NCOR2: variants seen among roughly 807,000 people sequenced by gnomAD.
NCOR2 encodes the protein nuclear receptor corepressor 2.
In NCOR2, 81 loss-of-function variants were observed where a neutral mutation model predicts 262.9. The observed-to-expected ratio is 0.31, with a 90% confidence interval of 0.26 to 0.37. The LOEUF is 0.37. Ranked by LOEUF, NCOR2 falls within the 10% of genes least tolerant of loss-of-function variation. The probability of loss-of-function intolerance (pLI) is 1.00; values close to 1 mark genes in which losing one functional copy is unlikely to be tolerated. For synonymous variants in NCOR2, 1,659 were observed against 1,559.3 expected (o/e 1.06, Z -1.51); for missense variants, 3,385 against 3,621.4 (o/e 0.93, Z 1.68).
intron 15 of NCOR2, among the ~76,000 whole-genome samples, chr12:124,398,682 C>T (rs1200222896): frequency 6.6e-6 from 1 of 152,206 alleles, no homozygotes; most frequent in Non-Finnish European, 1.5e-5. Context: ...CGGCAGGATG[C>T]TTAGCAACCC....
chr12:124,520,229 T>C (rs551302167), intron 1 of NCOR2, among the ~76,000 whole-genome samples: 2 of 152,162 alleles, frequency 1.3e-5, no homozygotes, highest in Non-Finnish European at 2.9e-5. Context: ...CCTTCTTTTA[T>C]AGGTAGGGAA....
chr12:124,337,996 C>T (rs953737099), intron 37 of NCOR2, among the ~76,000 whole-genome samples: 6 of 152,210 alleles, frequency 3.9e-5, no homozygotes, highest in African/African-American at 1.2e-4. Context: ...AGCCTGTGTG[C>T]GGAACCCTGC....
In NCOR2 at chr12:124,327,571, C is replaced by T. The variant is rs763334125; in HGVS notation, c.7021G>A (p.Ala2341Thr). The T allele has an allele frequency of 1.5e-5, 24 of 1,613,562 alleles. No homozygotes were observed. The South Asian group carries it at 2.2e-4, about 15-fold the overall frequency. The stretch of plus-strand genomic sequence containing the variant: ...CCCATGAGTGCCTTTCTAATTATGG[C>T]CTCCAGCCCCATGTTGGTGCTGGCA... The change falls in exon 45 of 47, where the codon GCC becomes ACC. Residue 2341 changes from alanine to threonine, a missense_variant. Physicochemically the swap from Ala to Thr is moderately conservative, Grantham distance 58. This residue lies in a region of NCOR2 where 1,017 missense variants were observed against 967.2 expected (regional missense o/e 1.05). Coordinates refer to ENST00000405201, the Ensembl canonical transcript of NCOR2.
In NCOR2 at chr12:124,336,496, G is replaced by A. The variant is rs187935596; in HGVS notation, c.6115+257C>T. The A allele has an allele frequency of 1.1e-3, 927 of 845,344 alleles. 8 individuals are homozygous for A. In the African/African-American group the frequency reaches 0.014, roughly 13 times the overall value. 52.4% of individuals were successfully genotyped at this position (845,344 alleles called of 1,614,324 possible). On this transcript the variant is annotated intron_variant, in intron 38 of 46. Transcript: ENST00000405201. ...AGGCGCGGCCGGAGTAGTCGTCAGC[G>A]CGTGCAAACCGGCGAGGACGGATGG...
At chr12:124,431,163 C>T (rs2043895014) in intron 8 of NCOR2, among the ~76,000 whole-genome samples, 1 of 146,474 alleles carries the variant, frequency 6.8e-6, no homozygotes, top group South Asian at 2.1e-4. Flanking sequence ...GTCACAGACA[C>T]ACACAGATAC....
chr12:124,386,536 T>C (rs1186399826), intron 16 of NCOR2, among the ~76,000 whole-genome samples: 1 of 152,064 alleles, frequency 6.6e-6, no homozygotes, highest in Non-Finnish European at 1.5e-5. Context: ...CCAGGCTTGG[T>C]TGCGCAGCTG....
chr12:124,434,307 G>C (rs1339443728), intron 8 of NCOR2, among the ~76,000 whole-genome samples: 1 of 152,126 alleles, frequency 6.6e-6, no homozygotes, highest in Non-Finnish European at 1.5e-5. Flanking sequence ...AATCAATGAA[G>C]TCAGGGACTT....
intron 24 of NCOR2, 133 bp downstream of exon 26, chr12:124,355,299 G>T: frequency 8.8e-7 from 1 of 1,141,574 alleles, no homozygotes; most frequent in Non-Finnish European, 1.2e-6. Flanking sequence ...AGCCAGCTCA[G>T]ACCCCAGATG....
At chr12:124,360,804 C>T (rs970084631) in intron 22 of NCOR2, among the ~76,000 whole-genome samples, 1 of 109,456 alleles carries the variant, frequency 9.1e-6, no homozygotes, top group Non-Finnish European at 2.0e-5. Flanking sequence ...TCCCACTCCA[C>T]AGGGTCCTTC....
rs1222314475 is a variant in NCOR2, at chr12:124,454,214, C to T, written c.762+2892G>A. ...GCTGTGTGGCCCGGCACAAGGCACT[C>T]CTCTCACTGAGCCTCATCCAGAAAA... On this transcript the variant is annotated intron_variant, in intron 6 of 46. Coordinates refer to ENST00000405201, the Ensembl canonical transcript of NCOR2. The surrounding 1 kb of genome is among the most constrained non-coding windows in gnomAD (Gnocchi z 5.6). Among the ~76,000 whole-genome samples, 1 of 152,198 alleles carries T rather than the reference C, an allele frequency of 6.6e-6. No individual in the cohort carries two copies. Among genetic ancestry groups the T allele is most frequent in the Admixed American group, 6.5e-5 (1 of 15,278 alleles).
intron 41 of NCOR2, among the ~76,000 whole-genome samples, chr12:124,333,864 G>GTT (rs2035516662): frequency 7.0e-6 from 1 of 143,474 alleles, no homozygotes; most frequent in Non-Finnish European, 1.5e-5. Flanking sequence ...GCATGTGTGT[G>GTT]TGCGCATGTG....
intron 1 of NCOR2, among the ~76,000 whole-genome samples, chr12:124,487,475 A>G (rs1374053648): frequency 6.6e-6 from 1 of 152,224 alleles, no homozygotes; most frequent in African/African-American, 2.4e-5. Context: ...CCTCTGACCC[A>G]TCCTCTCTCT....
chr12:124,362,091 GCCCCAGCCCCACT>G, intron 22 of NCOR2, 22 bp downstream of exon 24: 1 of 1,269,124 alleles, frequency 7.9e-7, no homozygotes, highest in Non-Finnish European at 9.9e-7. Flanking sequence ...GTCCCCTGCT[GCCCCAGCCCCACT>G]CAGCCACTGG....
At position 124,356,641 on chromosome 12, in the gene NCOR2, C is replaced by T; in HGVS notation, c.3241+1G>A. The T allele has an allele frequency of 7.0e-7, 1 of 1,432,658 alleles. No homozygotes were observed. Among genetic ancestry groups the T allele is most frequent in the Non-Finnish European group, 9.1e-7 (1 of 1,093,208 alleles). The allele number at this position is 1,432,658 out of a possible 1,614,324, so 88.7% of individuals were successfully genotyped here. On this transcript the variant is annotated splice_donor_variant, in intron 23 of 46. Coordinates refer to ENST00000405201, the Ensembl canonical transcript of NCOR2. LOFTEE classifies it high-confidence loss of function. ...GCCCAAGCTCGGGCGGAGCTACTTA[C>T]CAGGTGGAGCGTAGGAGAAGGCTGA... is the stretch of plus-strand genomic sequence containing the variant.
chr12:124,429,767 C>G, intron 9 of NCOR2, 61 bp from the exon 12 acceptor site: 3 of 1,464,888 alleles, frequency 2.0e-6, no homozygotes, highest in South Asian at 1.2e-5. Context: ...ACTAGCAGAC[C>G]CCTGTGGCGC....
At chr12:124,326,306 C>G (rs766075360) in exon 46 of NCOR2, 1 of 1,555,240 alleles carries the variant, frequency 6.4e-7, no homozygotes, top group Non-Finnish European at 8.7e-7. Context: ...ATGCCAGGCC[C>G]GGGGCCGGGG....
rs1412280487 is a variant in NCOR2, at chr12:124,428,090, C to CGTGTGTGTGTGT, written c.1150-1291_1150-1290insACACACACACAC. On this transcript the variant is annotated intron_variant, in intron 10 of 46. Coordinates refer to ENST00000405201, the Ensembl canonical transcript of NCOR2. ...GTGTGTGTGTGTGTGTGTGTGTGTACATGCAACAATCAGCCCAGGTGCCAC... is the reference window on the plus strand; with the variant it reads ...GTGTGTGTGTGTGTGTGTGTGTGTACGTGTGTGTGTGTATGCAACAATCAGCCCAGGTGCCAC... Among the ~76,000 whole-genome samples the CGTGTGTGTGTGT allele has an allele frequency of 5.7e-3, 790 of 138,048 alleles. 9 individuals are homozygous for CGTGTGTGTGTGT. Among genetic ancestry groups the CGTGTGTGTGTGT allele is most frequent in the African/African-American group, 0.018 (607 of 33,620 alleles). The allele number at this position is 138,048 out of a possible 152,430, so 90.6% of individuals were successfully genotyped here. A position where few individuals can be genotyped will look rare whatever the true frequency, so the allele number is the denominator to read the frequency against.
chr12:124,504,734 C>T lies in NCOR2; in HGVS notation c.-117-9366G>A, dbSNP rs1439090670. On this transcript the variant is annotated intron_variant, in intron 1 of 46. Coordinates refer to the NCOR2 transcript ENST00000404621. The surrounding 1 kb of genome is among the most constrained non-coding windows in gnomAD (Gnocchi z 4.5). The stretch of plus-strand genomic sequence containing the variant: ...GGTAAGCGCTGACTCAGCCACAACG[C>T]AGGTGAGCCCTGAAGACATGGCACA... 6.6e-6 allele frequency among the ~76,000 whole-genome samples: 1 copy of T among 152,238 alleles called. No individual in the cohort carries two copies. The highest frequency in any genetic ancestry group is 1.9e-4 in the East Asian group (1 of 5,202).
Position 124,342,022 on chromosome 12 carries a change from G to A in NCOR2, c.4989C>T (p.His1663=), listed in dbSNP as rs1333254097. The A allele has an allele frequency of 2.5e-6, 4 of 1,613,022 alleles. No individual in the cohort carries two copies. The South Asian group carries it at 3.3e-5, about 13-fold the overall frequency. Residue 1663 remains histidine, a synonymous_variant, in exon 34 of 47, where the codon CAC becomes CAT. Coordinates refer to ENST00000405201, the Ensembl canonical transcript of NCOR2. ...CGCGGATGAGGTAGGGTGGGTACAG[G>A]TGCGGGTAGGTGGGGTTGGGGGCCA...
Sources: gnomAD v4.1 joint callset for allele counts (sites outside exome capture counted in the v4.1 genomes callset) on GRCh38, gnomAD v4.1.1 for gene constraint, gnomAD v4.1.1 regional missense constraint, Gnocchi (gnomAD v3.1) non-coding constraint, MANE v1.5 for transcripts, NCBI Gene and HGNC (gene_info 2026-07-23, HGNC 2026-07-21) for gene names.